NRG3: variants seen among roughly 807,000 people sequenced by gnomAD.
The protein encoded by NRG3 is neuregulin 3.
NRG3 carries 31 observed loss-of-function variants against 66.9 expected under a neutral mutation model. The observed-to-expected ratio is 0.46, with a 90% confidence interval of 0.35 to 0.63. The LOEUF (loss-of-function observed/expected upper bound fraction) is 0.63, where lower values mean the gene tolerates loss of function less well. NRG3 is among the 20% of genes least tolerant of loss of function. The pLI is 0.00. For synonymous variants in NRG3, 393 were observed against 359.4 expected, an observed-to-expected ratio of 1.09 and a Z score of -1.06; for missense variants, 910 against 878.9, an observed-to-expected ratio of 1.04 and a Z score of -0.45.
intron 1 of NRG3, among the ~76,000 whole-genome samples, chr10:81,925,155 C>A (rs926108743): frequency 1.7e-4 from 26 of 152,110 alleles, no homozygotes; most frequent in African/African-American, 5.8e-4. Context: ...TGGCAGACAT[C>A]AAAATGATTT....
At chr10:82,880,506 A>G (rs1284631103) in intron 4 of NRG3, among the ~76,000 whole-genome samples, 3 of 152,236 alleles carry the variant, frequency 2.0e-5, no homozygotes, top group Admixed American at 2.0e-4. Context: ...GTAAAGATGA[A>G]TAATAATCCA....
chr10:82,598,217 A>G lies in NRG3; in HGVS notation c.954-140360A>G, dbSNP rs1369562961. On this transcript the variant is annotated intron_variant, in intron 2 of 8. Transcript: ENST00000372141. ...GTCCTTGTACTATAATAGCTAGCAGACGCTTCAAATATTTCTCTTTCATGT... is the reference window on the plus strand; with the variant it reads ...GTCCTTGTACTATAATAGCTAGCAGGCGCTTCAAATATTTCTCTTTCATGT... Among the ~76,000 whole-genome samples, 5 of 152,334 alleles carry G rather than the reference A, an allele frequency of 3.3e-5. No homozygotes were observed. In the South Asian group the frequency reaches 6.2e-4, roughly 19 times the overall value.
At chr10:82,121,360 C>A (rs1229023278) in intron 1 of NRG3, among the ~76,000 whole-genome samples, 1 of 152,172 alleles carries the variant, frequency 6.6e-6, no homozygotes, top group Non-Finnish European at 1.5e-5. Flanking sequence ...TACCTGTAAG[C>A]AATTGACTTG....
intron 2 of NRG3, among the ~76,000 whole-genome samples, chr10:82,436,204 T>G (rs749477372): frequency 2.6e-5 from 4 of 152,202 alleles, no homozygotes; most frequent in African/African-American, 4.8e-5. Context: ...GAACTTGTTT[T>G]ATGAATCTGG....
intron 2 of NRG3, among the ~76,000 whole-genome samples, chr10:82,437,133 T>C (rs1447564982): frequency 6.6e-6 from 1 of 152,144 alleles, no homozygotes; most frequent in Non-Finnish European, 1.5e-5. Context: ...AAGTGTGTTT[T>C]CCAGTTTGTT....
chr10:82,368,855 C>T lies in NRG3; in HGVS notation c.953+9987C>T, dbSNP rs185989171. ...ACAGTAACCTTGGTACCACAGGCCC[C>T]GCCGTGCAAGCTTCTTGGGTAAATA... On this transcript the variant is annotated intron_variant, in intron 2 of 8. Coordinates refer to ENST00000372141, the MANE Select transcript of NRG3 (RefSeq NM_001010848.4). Among the ~76,000 whole-genome samples, 1,120 of 138,422 alleles carry T rather than the reference C, an allele frequency of 8.1e-3. 302 individuals carry two copies. The highest frequency in any genetic ancestry group is 0.031 in the African/African-American group (914 of 29,814). The allele number at this position is 138,422 out of a possible 152,430, so 90.8% of individuals were successfully genotyped here.
intron 1 of NRG3, chr10:82,232,547 A>G: frequency 1.9e-6 from 1 of 539,266 alleles, no homozygotes; most frequent in East Asian, 3.2e-5. Flanking sequence ...GTCTTCTCTC[A>G]GGTACCTCAG....
chr10:81,990,707 G>A (rs887429022), intron 1 of NRG3, among the ~76,000 whole-genome samples: 15 of 152,066 alleles, frequency 9.9e-5, no homozygotes, highest in African/African-American at 2.9e-4. Flanking sequence ...GAGACTTATA[G>A]CAGCCATATA....
chr10:81,890,557 A>G (rs1291408200), intron 1 of NRG3, among the ~76,000 whole-genome samples: 4 of 152,222 alleles, frequency 2.6e-5, no homozygotes, highest in Admixed American at 2.0e-4. Flanking sequence ...GTATACAAAA[A>G]TAAATACATA....
intron 2 of NRG3, among the ~76,000 whole-genome samples, chr10:82,603,635 GAA>G (rs1017877351): frequency 6.6e-6 from 1 of 151,870 alleles, no homozygotes; most frequent in African/African-American, 2.4e-5. Context: ...AAGCTTAAGA[GAA>G]AGAAAAAGTT....
intron 2 of NRG3, among the ~76,000 whole-genome samples, chr10:82,362,318 A>G (rs1295373345): frequency 1.4e-5 from 2 of 148,038 alleles, no homozygotes; most frequent in Admixed American, 1.4e-4. Flanking sequence ...TTCAAAATAT[A>G]ATGTGTATAT....
chr10:82,402,951 T>A (rs866894262), intron 2 of NRG3, among the ~76,000 whole-genome samples: 6 of 152,300 alleles, frequency 3.9e-5, no homozygotes, highest in Non-Finnish European at 7.4e-5. Context: ...TAACTTTTTT[T>A]AAAAAGATAG....
chr10:82,085,964 C>T (rs1308484857), intron 1 of NRG3, among the ~76,000 whole-genome samples: 2 of 152,090 alleles, frequency 1.3e-5, no homozygotes, highest in Non-Finnish European at 2.9e-5. Context: ...AGGGGTCCCA[C>T]CTCTTAGCAC....
chr10:82,325,505 G>A (rs1046754128), intron 1 of NRG3, among the ~76,000 whole-genome samples: 2 of 151,870 alleles, frequency 1.3e-5, no homozygotes, highest in Non-Finnish European at 2.9e-5. Flanking sequence ...TTGTTTGTGT[G>A]GTATATCTGT....
chr10:82,661,153 A>T (rs1452641183), intron 2 of NRG3, among the ~76,000 whole-genome samples: 1 of 152,102 alleles, frequency 6.6e-6, no homozygotes, highest in Non-Finnish European at 1.5e-5. Flanking sequence ...CCCTCGTCTG[A>T]CAATTACTCA....
chr10:82,345,931 C>G (rs960919474), intron 1 of NRG3, among the ~76,000 whole-genome samples: 4 of 152,158 alleles, frequency 2.6e-5, no homozygotes, highest in Non-Finnish European at 5.9e-5. Flanking sequence ...TGAGACTTTG[C>G]TGAAGTTGCT....
chr10:82,404,567 TTGAA>T (rs1387570456), intron 2 of NRG3, among the ~76,000 whole-genome samples: 3 of 152,142 alleles, frequency 2.0e-5, no homozygotes, highest in South Asian at 2.1e-4. Context: ...GAATGAATGA[TTGAA>T]TGAATGAATG....
chr10:81,902,702 G>A (rs1327385032), intron 1 of NRG3, among the ~76,000 whole-genome samples: 1 of 152,174 alleles, frequency 6.6e-6, no homozygotes, highest in Non-Finnish European at 1.5e-5. Context: ...CTGGCTTGCA[G>A]AGTGAGGTGC....
rs776225585 is a variant in NRG3, at chr10:82,985,109, G to C, written c.1595G>C (p.Ser532Thr). The C allele has an allele frequency of 1.9e-6, 3 of 1,613,506 alleles. No homozygotes were observed. The highest frequency in any genetic ancestry group is 2.2e-5 in the South Asian group (2 of 91,016). The change falls in exon 9 of 9, where the codon AGT becomes ACT. Residue 532 changes from serine (S) to threonine (T), a missense_variant. Transcript: ENST00000372141. ...TGTTTCTTTTTCAGGTATTCATCCAGTGGTTTAAAAACCCAACGAAATACA... is the reference window on the plus strand; with the variant it reads ...TGTTTCTTTTTCAGGTATTCATCCACTGGTTTAAAAACCCAACGAAATACA... ...DTIPCQGYSSSGLKTQRNTSI... is the reference protein window; with the variant it reads ...DTIPCQGYSSTGLKTQRNTSI...
Sources: allele counts gnomAD v4.1 joint callset (sites outside exome capture counted in the v4.1 genomes callset), GRCh38; gene constraint gnomAD v4.1.1; transcripts MANE v1.5; gene names NCBI Gene and HGNC (gene_info 2026-07-23, HGNC 2026-07-21).